DENND1A: variants seen among roughly 807,000 people sequenced by gnomAD.
DENND1A encodes DENN domain-containing protein 1A.
DENND1A carries 51 observed loss-of-function variants against 113.7 expected under a neutral mutation model. The ratio of observed to expected loss-of-function variants is 0.45; its 90% CI spans 0.36 to 0.57. DENND1A has a LOEUF of 0.57. Ranked by LOEUF, DENND1A falls within the 20% of genes least tolerant of loss-of-function variation. The probability of loss-of-function intolerance (pLI) is 0.00; values close to 1 mark genes in which losing one functional copy is unlikely to be tolerated. For synonymous variants in DENND1A, 565 were observed against 570.8 expected (o/e 0.99, Z 0.14); for missense variants, 1,258 against 1,395.9 (o/e 0.90, Z 1.57).
chr9:123,384,023 C>T (rs1455940569), intron 22 of DENND1A, 110 bp from the exon 23 acceptor site: 59 of 1,430,490 alleles, frequency 4.1e-5, no homozygotes, highest in Middle Eastern at 2.1e-4. Context: ...CAGGGGCCTG[C>T]GGGACAGGAG....
At chr9:123,653,785 C>T (rs778674965) in intron 8 of DENND1A, among the ~76,000 whole-genome samples, 6 of 151,938 alleles carry the variant, frequency 3.9e-5, no homozygotes, top group Non-Finnish European at 8.8e-5. Flanking sequence ...TACCGTTACC[C>T]CATTCACGGA....
chr9:123,852,720 C>T (rs368198159), intron 2 of DENND1A, among the ~76,000 whole-genome samples: 2 of 152,138 alleles, frequency 1.3e-5, no homozygotes, highest in African/African-American at 2.4e-5. Context: ...TTATCCACCA[C>T]AGCAGCAGAG....
At chr9:123,555,249 C>A (rs1272367997) in intron 13 of DENND1A, among the ~76,000 whole-genome samples, 1 of 152,182 alleles carries the variant, frequency 6.6e-6, no homozygotes, top group Non-Finnish European at 1.5e-5. Context: ...TCTCTGCCTC[C>A]AGCTCTCCTT....
At chr9:123,904,966 G>C (rs563380291) in intron 1 of DENND1A, among the ~76,000 whole-genome samples, 42 of 152,206 alleles carry the variant, frequency 2.8e-4, no homozygotes, top group African/African-American at 8.9e-4. Flanking sequence ...AGAAAGGTCG[G>C]GTTACCCTCA....
At chr9:123,450,817 G>C (rs1388503667) in intron 17 of DENND1A, 68 bp from the exon 18 acceptor site, 8 of 1,345,266 alleles carry the variant, frequency 5.9e-6, no homozygotes, top group Non-Finnish European at 8.3e-6. Context: ...CTTGATTTCA[G>C]TCCATCGAGA....
At chr9:123,457,574 C>A (rs1012658271) in intron 14 of DENND1A, 139 bp from the exon 15 acceptor site, 2 of 794,756 alleles carry the variant, frequency 2.5e-6, no homozygotes, top group East Asian at 5.3e-5. Context: ...TCTAAAATAC[C>A]GGCTGCATAT....
At chr9:123,643,676 G>A (rs2062148729) in intron 9 of DENND1A, among the ~76,000 whole-genome samples, 1 of 152,230 alleles carries the variant, frequency 6.6e-6, no homozygotes, top group Non-Finnish European at 1.5e-5. Flanking sequence ...GGTAGGAATA[G>A]GGTGCAGGAG....
At chr9:123,471,502 G>A (rs946717897) in intron 13 of DENND1A, among the ~76,000 whole-genome samples, 1 of 152,200 alleles carries the variant, frequency 6.6e-6, no homozygotes, top group Non-Finnish European at 1.5e-5. Context: ...TGTGACACGC[G>A]CTACCTGTGC....
intron 18 of DENND1A, among the ~76,000 whole-genome samples, chr9:123,450,381 G>A (rs2047632632): frequency 6.6e-6 from 1 of 152,228 alleles, no homozygotes; most frequent in African/African-American, 2.4e-5. Flanking sequence ...TGCCAGATGG[G>A]AACACCAAGC....
chr9:123,874,737 A>G (rs543205319), intron 2 of DENND1A, among the ~76,000 whole-genome samples: 1 of 152,372 alleles, frequency 6.6e-6, no homozygotes, highest in East Asian at 1.9e-4. Context: ...ATACTACTAT[A>G]TAACCATCAG....
chr9:123,525,840 C>A (rs1588983224), intron 13 of DENND1A, among the ~76,000 whole-genome samples: 2 of 149,248 alleles, frequency 1.3e-5, no homozygotes, highest in Non-Finnish European at 3.0e-5. Context: ...TTCACTGCAG[C>A]CTCAACCTCC....
intron 19 of DENND1A, among the ~76,000 whole-genome samples, chr9:123,435,889 T>C (rs2046479353): frequency 6.6e-6 from 1 of 152,206 alleles, no homozygotes; most frequent in African/African-American, 2.4e-5. Context: ...GGTAAAATGA[T>C]TTCTTCCTCA....
chr9:123,821,065 G>C (rs1342553240), intron 2 of DENND1A, among the ~76,000 whole-genome samples: 1 of 152,318 alleles, frequency 6.6e-6, no homozygotes, highest in Non-Finnish European at 1.5e-5. Context: ...AAACCATCTG[G>C]AACTGGCAAC....
intron 13 of DENND1A, among the ~76,000 whole-genome samples, chr9:123,485,229 A>C (rs2050695453): frequency 6.6e-6 from 1 of 152,134 alleles, no homozygotes; most frequent in Non-Finnish European, 1.5e-5. Context: ...AAAGAGTTAA[A>C]ATCTGCTCGT....
chr9:123,760,469 C>A (rs1330110910), intron 4 of DENND1A, among the ~76,000 whole-genome samples: 3 of 152,190 alleles, frequency 2.0e-5, no homozygotes, highest in Non-Finnish European at 4.4e-5. Flanking sequence ...GTTCCACTCT[C>A]CTTATTTAAC....
chr9:123,660,823 C>CA (rs2063197828), intron 8 of DENND1A, among the ~76,000 whole-genome samples: 1 of 152,132 alleles, frequency 6.6e-6, no homozygotes, highest in South Asian at 2.1e-4. Context: ...TTTTGAAAGC[C>CA]AAAAAGCAGA....
chr9:123,750,837 T>A (rs2069956276), intron 5 of DENND1A, among the ~76,000 whole-genome samples: 1 of 152,206 alleles, frequency 6.6e-6, no homozygotes, highest in Admixed American at 6.5e-5. Context: ...AGGCTGTGCA[T>A]TTTTGTATAG....
intron 2 of DENND1A, among the ~76,000 whole-genome samples, chr9:123,836,828 C>T (rs73571743): frequency 0.033 from 4,953 of 152,042 alleles, 265 homozygotes; most frequent in African/African-American, 0.11. Context: ...AAGTTCATTC[C>T]CTTTCTGTTT....
At chr9:123,464,322 A>T (rs1168977959) in intron 13 of DENND1A, among the ~76,000 whole-genome samples, 1 of 152,234 alleles carries the variant, frequency 6.6e-6, no homozygotes, top group Non-Finnish European at 1.5e-5. Flanking sequence ...CAGCCAAAAG[A>T]TGGAAGCAAC....
Sources: allele counts gnomAD v4.1 joint callset (sites outside exome capture counted in the v4.1 genomes callset), GRCh38; gene constraint gnomAD v4.1.1; transcripts MANE v1.5; gene names NCBI Gene and HGNC (gene_info 2026-07-23, HGNC 2026-07-21).